LINGO2: variants seen among roughly 807,000 people sequenced by gnomAD.
The protein encoded by LINGO2 is leucine-rich repeat and immunoglobulin-like domain-containing nogo receptor-interacting protein 2.
In LINGO2, 14 loss-of-function variants were observed where a neutral mutation model predicts 30.6. The ratio of observed to expected loss-of-function variants is 0.46; its 90% CI spans 0.30 to 0.72. The LOEUF (loss-of-function observed/expected upper bound fraction) is 0.72. Ranked by LOEUF, LINGO2 falls within the 30% of genes least tolerant of loss-of-function variation. The pLI, the probability that LINGO2 is intolerant of heterozygous loss-of-function variation, is 0.07. For synonymous variants in LINGO2, 317 were observed against 288.5 expected (o/e 1.10, Z -1.00); for missense variants, 729 against 751.7 (o/e 0.97, Z 0.35).
chr9:28,270,690 T>G (rs1822908693), intron 4 of LINGO2, among the ~76,000 whole-genome samples: 1 of 152,158 alleles, frequency 6.6e-6, no homozygotes, highest in Non-Finnish European at 1.5e-5. Flanking sequence ...AACTAGTTCT[T>G]CCTGAATCGA....
chr9:28,615,949 T>C (rs529273476), intron 1 of LINGO2, among the ~76,000 whole-genome samples: 64 of 152,226 alleles, frequency 4.2e-4, no homozygotes, highest in African/African-American at 1.3e-3. Context: ...TTTAAAAAAC[T>C]GGAGAAACTA....
the LINGO2 span, among the ~76,000 whole-genome samples, chr9:28,912,084 C>T: frequency 3.9e-5 from 6 of 152,104 alleles, no homozygotes; most frequent in Admixed American, 2.0e-4. Context: ...AACCTGCCAT[C>T]GGCCTGGCAA....
chr9:28,017,293 C>T (rs1280957993), intron 4 of LINGO2, among the ~76,000 whole-genome samples: 1 of 152,102 alleles, frequency 6.6e-6, no homozygotes, highest in African/African-American at 2.4e-5. Context: ...CACAAGGATG[C>T]CCTTTCACTA....
the LINGO2 span, among the ~76,000 whole-genome samples, chr9:29,091,748 A>G: frequency 6.6e-6 from 1 of 152,036 alleles, no homozygotes; most frequent in African/African-American, 2.4e-5. Flanking sequence ...TTTTAACTCT[A>G]AATTCTACAT....
intron 1 of LINGO2, among the ~76,000 whole-genome samples, chr9:28,495,392 TATAAGGTATAAGGAAGGGATC>T (rs1219934030): frequency 6.6e-6 from 1 of 152,208 alleles, no homozygotes; most frequent in East Asian, 1.9e-4. Context: ...TTAACTTTCG[TATAAGGTATAAGGAAGGGATC>T]CAGTTTCAGC....
chr9:29,065,200 C>T, the LINGO2 span, among the ~76,000 whole-genome samples: 1 of 152,024 alleles, frequency 6.6e-6, no homozygotes, highest in Non-Finnish European at 1.5e-5. Flanking sequence ...AAGTAGGCAC[C>T]TGAATGGTGC....
chr9:29,045,375 A>G, the LINGO2 span, among the ~76,000 whole-genome samples: 2 of 152,290 alleles, frequency 1.3e-5, no homozygotes, highest in South Asian at 4.1e-4. Context: ...GAGCTGCAAA[A>G]AGGGAATAAA....
intron 1 of LINGO2, among the ~76,000 whole-genome samples, chr9:28,549,255 T>C (rs575318413): frequency 6.6e-6 from 1 of 152,208 alleles, no homozygotes; most frequent in South Asian, 2.1e-4. Flanking sequence ...CCCCAACTGG[T>C]TTTTATGAAG....
chr9:28,391,032 C>A (rs1217611763), intron 2 of LINGO2, among the ~76,000 whole-genome samples: 2 of 152,096 alleles, frequency 1.3e-5, no homozygotes, highest in Non-Finnish European at 2.9e-5. Context: ...ACATGTAAAA[C>A]CATTAAAACT....
chr9:28,555,323 C>T (rs1203009984), intron 1 of LINGO2, among the ~76,000 whole-genome samples: 4 of 145,486 alleles, frequency 2.7e-5, no homozygotes, highest in East Asian at 2.0e-4. Flanking sequence ...ATATCACCAC[C>T]GATCCCACAG....
intron 4 of LINGO2, among the ~76,000 whole-genome samples, chr9:28,030,397 C>T (rs1823608320): frequency 6.6e-6 from 1 of 152,168 alleles, no homozygotes; most frequent in African/African-American, 2.4e-5. Context: ...AACTAAGACT[C>T]ATTGGTATTT....
chr9:28,722,566 T>G, the LINGO2 span, among the ~76,000 whole-genome samples: 1 of 152,136 alleles, frequency 6.6e-6, no homozygotes. Flanking sequence ...AAGGCCTATC[T>G]GACAGTGTCA....
chr9:28,602,128 A>G (rs1293403833), intron 1 of LINGO2, among the ~76,000 whole-genome samples: 3 of 152,058 alleles, frequency 2.0e-5, no homozygotes, highest in Non-Finnish European at 4.4e-5. Flanking sequence ...TTTAGGTAAA[A>G]TTCCAGCCTA....
the LINGO2 span, among the ~76,000 whole-genome samples, chr9:29,158,653 C>G: frequency 6.6e-6 from 1 of 152,186 alleles, no homozygotes; most frequent in African/African-American, 2.4e-5. Context: ...TACTACAACT[C>G]TCTAAGGTCT....
intron 4 of LINGO2, among the ~76,000 whole-genome samples, chr9:28,263,987 A>G (rs1171687442): frequency 1.3e-5 from 2 of 151,974 alleles, no homozygotes; most frequent in African/African-American, 4.8e-5. Flanking sequence ...ATGACCTACA[A>G]TGGATGAAAC....
the LINGO2 span, among the ~76,000 whole-genome samples, chr9:28,740,971 T>C: frequency 6.6e-6 from 1 of 151,936 alleles, no homozygotes; most frequent in Non-Finnish European, 1.5e-5. Context: ...TGACCTTGAC[T>C]TGGCAGGGGC....
chr9:29,008,135 T>C, the LINGO2 span, among the ~76,000 whole-genome samples: 1 of 152,120 alleles, frequency 6.6e-6, no homozygotes, highest in Admixed American at 6.6e-5. Flanking sequence ...GTCCAAGTGT[T>C]CTCATTGTTC....
intron 1 of LINGO2, among the ~76,000 whole-genome samples, chr9:28,624,683 T>C (rs913157721): frequency 7.9e-5 from 12 of 151,772 alleles, no homozygotes; most frequent in African/African-American, 2.7e-4. Flanking sequence ...AGTATTGGCC[T>C]TGTAGAATGA....
chr9:28,753,793 T>C, the LINGO2 span, among the ~76,000 whole-genome samples: 44 of 152,104 alleles, frequency 2.9e-4, 1 homozygote, highest in African/African-American at 1.1e-3. Flanking sequence ...TGCCCTGGCA[T>C]ATACAGAGCC....
Sources: allele counts gnomAD v4.1 joint callset (sites outside exome capture counted in the v4.1 genomes callset), GRCh38; gene constraint gnomAD v4.1.1; transcripts MANE v1.5; gene names NCBI Gene and HGNC (gene_info 2026-07-23, HGNC 2026-07-21).